LOXL3: variants seen among roughly 807,000 people sequenced by gnomAD.
LOXL3 encodes the protein lysyl oxidase homolog 3.
Under a neutral mutation model 91.8 loss-of-function variants are expected in LOXL3, and 60 were observed. The ratio of observed to expected loss-of-function variants is 0.65; its 90% CI spans 0.53 to 0.81. LOXL3 has a LOEUF of 0.81. LOXL3 is among the 30% of genes least tolerant of loss of function. The pLI, the probability that LOXL3 is intolerant of heterozygous loss-of-function variation, is 0.00. For synonymous variants in LOXL3, 355 were observed against 387.6 expected (o/e 0.92, Z 0.99); for missense variants, 874 against 1,000.4 (o/e 0.87, Z 1.70).
Position 74,532,760 on chromosome 2 carries a change from A to ATG in LOXL3, c.*844_*845dup. ...TGATATGGGGATGGGCAAGGTGTGC[A>ATG]TGTGTCCTTGAACTAGGCTTTGTAC... On this transcript the variant is annotated 3_prime_UTR_variant, in exon 14 of 14. Coordinates refer to ENST00000264094, the MANE Select transcript of LOXL3 (RefSeq NM_032603.5). 6.2e-7 allele frequency: 1 copy of ATG among 1,612,526 alleles called. No homozygotes were observed. The highest frequency in any genetic ancestry group is 1.3e-5 in the African/African-American group (1 of 74,984).
In LOXL3 at chr2:74,535,098, T is replaced by G. The variant is rs1675922385; in HGVS notation, c.1579+194A>C. Reference sequence around the variant, plus strand: ...TTCACCATCTTGGTCAGGCTGGTCTTGAATTCCTGACCTCGTGATCCATCC... The same window carrying G: ...TTCACCATCTTGGTCAGGCTGGTCTGGAATTCCTGACCTCGTGATCCATCC... On this transcript the variant is annotated intron_variant, in intron 9 of 13. Coordinates refer to ENST00000264094, the MANE Select transcript of LOXL3 (RefSeq NM_032603.5). The surrounding 1 kb of genome is among the most constrained non-coding windows in gnomAD (Gnocchi z 4.2). Among the ~76,000 whole-genome samples, 1 of 152,158 alleles carries G rather than the reference T, an allele frequency of 6.6e-6. No individual in the cohort carries two copies. Among genetic ancestry groups the G allele is most frequent in the Admixed American group, 6.5e-5 (1 of 15,274 alleles).
chr2:74,532,513 T>C lies in LOXL3; in HGVS notation c.*1093A>G, dbSNP rs1675685952. 1.2e-6 allele frequency: 1 copy of C among 845,364 alleles called. No homozygotes were observed. Among genetic ancestry groups the C allele is most frequent in the Non-Finnish European group, 2.0e-6 (1 of 505,196 alleles). 52.4% of individuals were successfully genotyped at this position (845,364 alleles called of 1,614,324 possible). A position where few individuals can be genotyped will look rare whatever the true frequency, so the allele number is the denominator to read the frequency against. ...ATTGTATTTTGTAGTACCTAGCCCA[T>C]GTCCTGTCCATATATTTATCAATGT... On this transcript the variant is annotated 3_prime_UTR_variant, in exon 14 of 14. Coordinates refer to ENST00000264094, the MANE Select transcript of LOXL3 (RefSeq NM_032603.5).
At chr2:74,545,365 C>A (rs1676534153) in intron 4 of LOXL3, among the ~76,000 whole-genome samples, 1 of 152,220 alleles carries the variant, frequency 6.6e-6, no homozygotes, top group Admixed American at 6.5e-5. Flanking sequence ...AAAACACTGG[C>A]TTTATTCTTG....
upstream of LOXL3, chr2:74,555,423 G>C (rs1323723454): frequency 6.2e-7 from 1 of 1,610,810 alleles, no homozygotes; most frequent in Non-Finnish European, 8.5e-7. The surrounding 1 kb of genome is among the most constrained non-coding windows in gnomAD (Gnocchi z 6.1). Flanking sequence ...GTGCAGCCTG[G>C]GTGCAGACGC....
At position 74,532,754 on chromosome 2, in the gene LOXL3, G is replaced by A; in HGVS notation, c.*852C>T. 6.2e-7 allele frequency: 1 copy of A among 1,612,562 alleles called. No homozygotes were observed. Among genetic ancestry groups the A allele is most frequent in the South Asian group, 1.1e-5 (1 of 91,044 alleles). On this transcript the variant is annotated 3_prime_UTR_variant, in exon 14 of 14. Transcript: ENST00000264094. ...GCAGTGTGATATGGGGATGGGCAAG[G>A]TGTGCATGTGTCCTTGAACTAGGCT...
intron 4 of LOXL3, among the ~76,000 whole-genome samples, chr2:74,543,900 C>CAAAAA (rs960168777): frequency 6.6e-3 from 409 of 62,340 alleles, no homozygotes; most frequent in Non-Finnish European, 0.012. Flanking sequence ...GGCTCTGTCT[C>CAAAAA]AAAAAAAAAA....
chr2:74,534,686 C>T lies in LOXL3; in HGVS notation c.1668G>A (p.Ala556=), dbSNP rs565514123. The T allele has an allele frequency of 3.3e-5, 54 of 1,614,170 alleles. 1 individual carries two copies. Among genetic ancestry groups the T allele is most frequent in the South Asian group, 1.2e-4 (11 of 91,080 alleles). ...CTGAGCTGGCCAGGCAGTTCTCTTCCGCAGCACAGTACAACATATGCAGGG... is the reference window on the plus strand; with the variant it reads ...CTGAGCTGGCCAGGCAGTTCTCTTCTGCAGCACAGTACAACATATGCAGGG... ...DRPLHMLYCA[A]EENCLASSAR... is the part of the protein sequence containing the mutation. Residue 556 remains alanine, a synonymous_variant, in exon 10 of 14, where the codon GCG becomes GCA. Coordinates refer to ENST00000264094, the MANE Select transcript of LOXL3 (RefSeq NM_032603.5).
chr2:74,549,338 C>A lies in LOXL3; in HGVS notation c.692+31G>T. 6.5e-6 allele frequency: 10 copies of A among 1,538,550 alleles called. No individual in the cohort carries two copies. The highest frequency in any genetic ancestry group is 8.8e-6 in the Non-Finnish European group (10 of 1,139,014). ...TCATCAGGGAGCACCCCAATCCCGG[C>A]CTGCTCCGCCCGGCGCCCGCGGCCC... On this transcript the variant is annotated intron_variant, in intron 4 of 13. Coordinates refer to ENST00000264094, the MANE Select transcript of LOXL3 (RefSeq NM_032603.5). The surrounding 1 kb of genome is among the most constrained non-coding windows in gnomAD (Gnocchi z 5.3).
At chr2:74,551,880 T>C (rs1207965475) in intron 2 of LOXL3, among the ~76,000 whole-genome samples, 1 of 152,272 alleles carries the variant, frequency 6.6e-6, no homozygotes, top group Admixed American at 6.5e-5. Flanking sequence ...ACCACCTTGT[T>C]AGTTTTAGCT....
Position 74,536,397 on chromosome 2 carries a change from G to A in LOXL3, c.987C>T (p.Gly329=), listed in dbSNP as rs997362868. The A allele has an allele frequency of 6.2e-7, 1 of 1,614,152 alleles. No homozygotes were observed. The highest frequency in any genetic ancestry group is 8.5e-7 in the Non-Finnish European group (1 of 1,180,026). ...GGTCCCACTTGCGGTCACAGACTGT[G>A]CCCCATGTGCTGGCCTTCAGGACTT... The part of the protein sequence containing the change: ...RVEVLKASTW[G]TVCDRKWDLH... Residue 329 remains glycine (G), a synonymous_variant, in exon 6 of 14, where the codon GGC becomes GGT. Coordinates refer to ENST00000264094, the MANE Select transcript of LOXL3 (RefSeq NM_032603.5). This position sits in a 1 kb window ranked among gnomAD's most constrained non-coding sequence, Gnocchi z 4.5.
chr2:74,536,358 G>C lies in LOXL3; in HGVS notation c.1026C>G (p.Ser342Arg). Residue 342 changes from serine to arginine, a missense_variant, in exon 6 of 14, where the codon AGC becomes AGG. Ser to Arg is a moderately radical substitution (Grantham distance 110). Transcript: ENST00000264094. The surrounding 1 kb of genome is among the most constrained non-coding windows in gnomAD (Gnocchi z 4.5). Reference sequence around the variant, plus strand: ...CGAAGCCCAGCTCCCGACACACCACGCTGGCTGCATGCAGGTCCCACTTGC... The same window carrying C: ...CGAAGCCCAGCTCCCGACACACCACCCTGGCTGCATGCAGGTCCCACTTGC... The part of the protein sequence containing the change: ...CDRKWDLHAA[S>R]VVCRELGFGS... 6.2e-7 allele frequency: 1 copy of C among 1,614,038 alleles called. No individual in the cohort carries two copies. The highest frequency in any genetic ancestry group is 8.5e-7 in the Non-Finnish European group (1 of 1,180,012).
rs779607152 is a variant in LOXL3, at chr2:74,534,628, G to A, written c.1726C>T (p.Arg576Cys). The A allele has an allele frequency of 3.3e-5, 54 of 1,614,126 alleles. No individual in the cohort carries two copies. Among genetic ancestry groups the A allele is most frequent in the Non-Finnish European group, 3.7e-5 (44 of 1,180,056 alleles). The change falls in exon 10 of 14, where the codon CGT (arginine) becomes TGT (cysteine). Residue 576 changes from arginine (R) to cysteine (C), a missense_variant. By Grantham distance (180) the Arg-to-Cys change is radical. Coordinates refer to ENST00000264094, the MANE Select transcript of LOXL3 (RefSeq NM_032603.5). ...RSANWPYGHR[R>C]LLRFSSQIHN... ...ATCTGGGAGGAGAATCGGAGCAGAC[G>A]CCGGTGACCATAGGGCCAGTTGGCT...
At position 74,550,313 on chromosome 2, in the gene LOXL3, TC is replaced by T. The variant is rs1676922805; in HGVS notation, c.348del (p.Thr117ProfsTer5). On this transcript the variant is annotated frameshift_variant, in exon 3 of 14. Transcript: ENST00000264094. LOFTEE classifies it high-confidence loss of function. ...GCACATTCAGTCACACTCTGCTCGG[TC>T]CCACTGCAGCTCAAGTTGTCCAGCC... ...RIWLDNLSCS[G>X]TEQSVTECAS... is the part of the protein sequence containing the mutation. The T allele has an allele frequency of 6.2e-7, 1 of 1,613,916 alleles. No individual in the cohort carries two copies. Among genetic ancestry groups the T allele is most frequent in the Admixed American group, 1.7e-5 (1 of 59,982 alleles).
rs1193406190 is a variant in LOXL3 at position 74,533,067 on chromosome 2, G to A, written c.*539C>T. The A allele has an allele frequency of 7.1e-7, 1 of 1,402,272 alleles. No individual in the cohort carries two copies. The highest frequency in any genetic ancestry group is 1.4e-5 in the African/African-American group (1 of 70,738). The allele number at this position is 1,402,272 out of a possible 1,614,324, so 86.9% of individuals were successfully genotyped here. ...GAGGTTCTGAGGGCACCGAGACAGAGGGTTAAATGAACCAGTGGGGGCAGG... is the reference window on the plus strand; with the variant it reads ...GAGGTTCTGAGGGCACCGAGACAGAAGGTTAAATGAACCAGTGGGGGCAGG... On this transcript the variant is annotated 3_prime_UTR_variant, in exon 14 of 14. Coordinates refer to ENST00000264094, the MANE Select transcript of LOXL3 (RefSeq NM_032603.5).
At position 74,550,355 on chromosome 2, in the gene LOXL3, A is replaced by C; in HGVS notation, c.314-7T>G. The C allele has an allele frequency of 3.1e-6, 5 of 1,612,352 alleles. No individual in the cohort carries two copies. Among genetic ancestry groups the C allele is most frequent in the Non-Finnish European group, 4.2e-6 (5 of 1,179,064 alleles). On this transcript the variant is annotated splice_polypyrimidine_tract_variant and splice_region_variant and intron_variant, in intron 2 of 13. Coordinates refer to ENST00000264094, the MANE Select transcript of LOXL3 (RefSeq NM_032603.5). ...TTGTCCAGCCAGATGCGGCCTGTGGAAGGGGAGATGAAGGGACAGAGAAGC... is the reference window on the plus strand; with the variant it reads ...TTGTCCAGCCAGATGCGGCCTGTGGCAGGGGAGATGAAGGGACAGAGAAGC...
chr2:74,532,453 G>A lies in LOXL3; in HGVS notation c.*1153C>T. ...GGTGTACATCTTTTATGTACATGTT[G>A]CACTTTATTGCTAGAAGACAGAAAG... On this transcript the variant is annotated 3_prime_UTR_variant, in exon 14 of 14. Coordinates refer to ENST00000264094, the MANE Select transcript of LOXL3 (RefSeq NM_032603.5). 1 of 675,366 alleles carries A rather than the reference G, an allele frequency of 1.5e-6. No homozygotes were observed. Among genetic ancestry groups the A allele is most frequent in the Admixed American group, 2.0e-5 (1 of 48,960 alleles). 41.8% of individuals were successfully genotyped at this position (675,366 alleles called of 1,614,324 possible).
In LOXL3 at chr2:74,535,327, C is replaced by T. The variant is rs1199955943; in HGVS notation, c.1544G>A (p.Gly515Glu). The T allele has an allele frequency of 6.2e-7, 1 of 1,614,062 alleles. No homozygotes were observed. The highest frequency in any genetic ancestry group is 8.5e-7 in the Non-Finnish European group (1 of 1,180,004). Reference protein sequence around the residue: ...HGTHITCKRTGTRFTAGVICS... With the variant: ...HGTHITCKRTETRFTAGVICS... ...GATGACTCCAGCAGTGAAGCGGGTCCCTGTCCTCTTGCAGGTGATGTGGGT... is the reference window on the plus strand; with the variant it reads ...GATGACTCCAGCAGTGAAGCGGGTCTCTGTCCTCTTGCAGGTGATGTGGGT... Residue 515 changes from glycine (G) to glutamate (E), a missense_variant, in exon 9 of 14, where the codon GGG becomes GAG. Gly to Glu is a moderately conservative substitution (Grantham distance 98). Transcript: ENST00000264094. The surrounding 1 kb of genome is among the most constrained non-coding windows in gnomAD (Gnocchi z 4.2).
rs1675735096 is a variant in LOXL3, at chr2:74,532,994, C to T, written c.*612G>A. Reference sequence around the variant, plus strand: ...CTGAGGTCACAGAATGAATAGATCACCAAGAGTATGAGGCTCCTGCTCTGA... The same window carrying T: ...CTGAGGTCACAGAATGAATAGATCATCAAGAGTATGAGGCTCCTGCTCTGA... On this transcript the variant is annotated 3_prime_UTR_variant, in exon 14 of 14. Coordinates refer to ENST00000264094, the MANE Select transcript of LOXL3 (RefSeq NM_032603.5). 2 of 1,613,110 alleles carry T rather than the reference C, an allele frequency of 1.2e-6. No individual in the cohort carries two copies. Among genetic ancestry groups the T allele is most frequent in the South Asian group, 2.2e-5 (2 of 91,004 alleles).
In LOXL3 at chr2:74,536,861, G is replaced by A. The variant is rs1298802352; in HGVS notation, c.760C>T (p.His254Tyr). 1 of 1,614,198 alleles carries A rather than the reference G, an allele frequency of 6.2e-7. No homozygotes were observed. Among genetic ancestry groups the A allele is most frequent in the Admixed American group, 1.7e-5 (1 of 60,024 alleles). ...HGVACVGTEA[H>Y]LSLCSLEFYR... ...AACTCCAGGGAACAGAGGGAGAGGT[G>A]GGCCTCCGTGCCCACGCACGCCACC... The change falls in exon 5 of 14, where the codon CAC (histidine) becomes TAC (tyrosine). Residue 254 changes from histidine to tyrosine, a missense_variant. By Grantham distance (83) the His-to-Tyr change is moderately conservative. Coordinates refer to ENST00000264094, the MANE Select transcript of LOXL3 (RefSeq NM_032603.5). The surrounding 1 kb of genome is among the most constrained non-coding windows in gnomAD (Gnocchi z 4.5).
Sources: gnomAD v4.1 joint callset for allele counts (sites outside exome capture counted in the v4.1 genomes callset) on GRCh38, gnomAD v4.1.1 for gene constraint, Gnocchi (gnomAD v3.1) non-coding constraint, MANE v1.5 for transcripts, NCBI Gene and HGNC (gene_info 2026-07-23, HGNC 2026-07-21) for gene names.